SAXO2: variants seen among roughly 807,000 people sequenced by gnomAD.
The protein encoded by SAXO2 is family with sequence similarity 154, member B.
A neutral mutation model predicts 18.7 loss-of-function variants in SAXO2; 17 were observed. The ratio of observed to expected loss-of-function variants is 0.91; its 90% CI spans 0.62 to 1.36. The LOEUF is 1.36. SAXO2 is among the 40% of genes most tolerant of loss of function. The pLI is 0.00. For synonymous variants in SAXO2, 163 were observed against 181.2 expected (o/e 0.90, Z 0.81); for missense variants, 486 against 562.6 (o/e 0.86, Z 1.38).
chr15:82,273,536 A>ACACAAAAACACAAAAAGAAAAAGAAAAC (rs1555434174), intron 3 of SAXO2, among the ~76,000 whole-genome samples: 27 of 152,240 alleles, frequency 1.8e-4, no homozygotes, highest in Non-Finnish European at 2.5e-4. Context: ...GGTCAAGAAA[A>ACACAAAAACACAAAAAGAAAAAGAAAAC]TGTTTTTTCT....
chr15:82,263,068 C>G (rs2075152667), intron 1 of SAXO2, 136 bp downstream of exon 1: 1 of 1,512,176 alleles, frequency 6.6e-7, no homozygotes, highest in Non-Finnish European at 8.8e-7. Context: ...AGCGACATCC[C>G]CACTTATCCC....
intron 3 of SAXO2, among the ~76,000 whole-genome samples, chr15:82,280,706 C>A (rs1394409223): frequency 1.3e-5 from 2 of 152,198 alleles, no homozygotes; most frequent in Non-Finnish European, 2.9e-5. Flanking sequence ...TGTTTCTTTA[C>A]AGGTCTATTT....
rs1162274839 is a variant in SAXO2 at position 82,282,312 on chromosome 15, A to C, written c.627A>C (p.Thr209=). The C allele has an allele frequency of 6.2e-7, 1 of 1,614,170 alleles. No homozygotes were observed. The highest frequency in any genetic ancestry group is 1.7e-5 in the Admixed American group (1 of 60,012). ...KRSTAPFNGI[T]SHRLDYIPHQ... ...CTACAGCCCCTTTTAATGGTATTAC[A>C]AGTCATCGCCTTGATTATATACCTC... The change falls in exon 4 of 4, where the codon ACA becomes ACC. Residue 209 remains threonine, a synonymous_variant. Coordinates refer to ENST00000682753, the MANE Select transcript of SAXO2 (RefSeq NM_001348699.2).
chr15:82,263,307 G>C, intron 1 of SAXO2: 1 of 1,170,522 alleles, frequency 8.5e-7, no homozygotes, highest in East Asian at 2.5e-5. Context: ...AGAAAGAACA[G>C]TGCTCAAGGC....
chr15:82,264,553 C>A, intron 1 of SAXO2: 1 of 658,818 alleles, frequency 1.5e-6, no homozygotes, highest in Non-Finnish European at 2.7e-6. Context: ...TTGTGGATAA[C>A]GTAATCTCCT....
chr15:82,280,788 TCTCA>T (rs2075356468), intron 3 of SAXO2, among the ~76,000 whole-genome samples: 1 of 152,226 alleles, frequency 6.6e-6, no homozygotes, highest in African/African-American at 2.4e-5. Flanking sequence ...CCCATTTCTA[TCTCA>T]CTCATTATTT....
At chr15:82,279,671 C>G (rs1003325081) in intron 3 of SAXO2, among the ~76,000 whole-genome samples, 3 of 152,092 alleles carry the variant, frequency 2.0e-5, no homozygotes, top group Admixed American at 6.5e-5. Flanking sequence ...AAGCTGAGGC[C>G]GAGGATGATG....
At chr15:82,270,850 T>A (rs2075264965) in intron 2 of SAXO2, among the ~76,000 whole-genome samples, 1 of 152,198 alleles carries the variant, frequency 6.6e-6, no homozygotes, top group Non-Finnish European at 1.5e-5. Context: ...AATGAAGTTA[T>A]CCAAGGTCCT....
chr15:82,269,117 C>G (rs2075246787), intron 2 of SAXO2, among the ~76,000 whole-genome samples: 1 of 152,186 alleles, frequency 6.6e-6, no homozygotes, highest in African/African-American at 2.4e-5. Flanking sequence ...ATACTAGTCA[C>G]CTGGTATACA....
At chr15:82,274,066 T>C (rs1274879492) in intron 3 of SAXO2, among the ~76,000 whole-genome samples, 1 of 152,068 alleles carries the variant, frequency 6.6e-6, no homozygotes, top group Non-Finnish European at 1.5e-5. Context: ...ATTTTCTTTT[T>C]TTCTACAAGA....
In SAXO2 at chr15:82,263,457, G is replaced by C. The variant is rs1409381699; in HGVS notation, c.53+525G>C. 1.0e-5 allele frequency: 7 copies of C among 702,428 alleles called. No homozygotes were observed. The East Asian group carries it at 1.9e-4, about 19-fold the overall frequency. 43.5% of individuals were successfully genotyped at this position (702,428 alleles called of 1,614,324 possible). On this transcript the variant is annotated intron_variant, in intron 1 of 3. Coordinates refer to ENST00000682753, the MANE Select transcript of SAXO2 (RefSeq NM_001348699.2). ...AAAGTCAGTAAGTAGTCCCTACCCT[G>C]AAATCTAGAATCCAACTGTGAGTCC...
Position 82,284,164 on chromosome 15 carries a change from C to G in SAXO2, c.*1102C>G, listed in dbSNP as rs1362404375. 1 of 152,084 alleles carries G rather than the reference C, an allele frequency of 6.6e-6. No individual in the cohort carries two copies. Among genetic ancestry groups the G allele is most frequent in the East Asian group, 1.9e-4 (1 of 5,196 alleles). 9.4% of individuals were successfully genotyped at this position (152,084 alleles called of 1,614,324 possible). On this transcript the variant is annotated 3_prime_UTR_variant, in exon 4 of 4. Transcript: ENST00000682753. ...GGATTTTTTTTTAAAATTGCTCAAT[C>G]TCTTTTTGTACTTGTTTTCTCCTTT...
intron 3 of SAXO2, among the ~76,000 whole-genome samples, chr15:82,278,469 T>C (rs2075334724): frequency 6.6e-6 from 1 of 152,224 alleles, no homozygotes; most frequent in Non-Finnish European, 1.5e-5. Flanking sequence ...AGTTGGAGAC[T>C]TCAACACTGT....
At chr15:82,279,151 AAG>A (rs770858642) in intron 3 of SAXO2, among the ~76,000 whole-genome samples, 3 of 152,188 alleles carry the variant, frequency 2.0e-5, no homozygotes, top group African/African-American at 7.2e-5. Flanking sequence ...AATAAATGAA[AAG>A]AGAGAAGACA....
chr15:82,268,110 A>G (rs563355353), intron 2 of SAXO2, among the ~76,000 whole-genome samples: 7 of 152,328 alleles, frequency 4.6e-5, no homozygotes, highest in African/African-American at 1.7e-4. Context: ...AAGAAATTGA[A>G]TAACTGGTTG....
chr15:82,270,966 A>C (rs2075265817), intron 2 of SAXO2, among the ~76,000 whole-genome samples: 2 of 152,138 alleles, frequency 1.3e-5, no homozygotes, highest in South Asian at 4.1e-4. Flanking sequence ...CTGCAGTACT[A>C]CCTCTGTCAC....
At chr15:82,277,358 T>C (rs981091962) in intron 3 of SAXO2, among the ~76,000 whole-genome samples, 5 of 152,102 alleles carry the variant, frequency 3.3e-5, no homozygotes, top group Non-Finnish European at 5.9e-5. Context: ...TAAAAAGATA[T>C]TATTTTAAAA....
At chr15:82,277,570 G>A (rs2075325969) in intron 3 of SAXO2, among the ~76,000 whole-genome samples, 1 of 152,170 alleles carries the variant, frequency 6.6e-6, no homozygotes, top group Admixed American at 6.5e-5. Context: ...GGATGCAGAA[G>A]GCTAGAAAGA....
chr15:82,275,538 G>A (rs1274242435), intron 3 of SAXO2, among the ~76,000 whole-genome samples: 1 of 152,062 alleles, frequency 6.6e-6, no homozygotes, highest in Non-Finnish European at 1.5e-5. Flanking sequence ...AAAAATACTA[G>A]CACACTAAAT....
Sources: allele counts gnomAD v4.1 joint callset (sites outside exome capture counted in the v4.1 genomes callset), GRCh38; gene constraint gnomAD v4.1.1; transcripts MANE v1.5; gene names NCBI Gene and HGNC (gene_info 2026-07-23, HGNC 2026-07-21).